RNF150: variants seen among roughly 807,000 people sequenced by gnomAD.
RNF150 encodes the protein ring finger protein 150.
In RNF150, 24 loss-of-function variants were observed where a neutral mutation model predicts 39.3. The observed-to-expected ratio is 0.61, with a 90% CI of 0.44 to 0.86. The LOEUF is 0.86. RNF150 is among the 40% of genes least tolerant of loss of function. RNF150 has a pLI of 0.00. For missense variants in RNF150, 502 were observed against 587.8 expected, an observed-to-expected ratio of 0.85 and a Z score of 1.51; for synonymous variants, 255 against 227.3, an observed-to-expected ratio of 1.12 and a Z score of -1.10.
intron 6 of RNF150, among the ~76,000 whole-genome samples, chr4:140,895,668 T>C (rs568126021): frequency 6.6e-6 from 1 of 152,316 alleles, no homozygotes; most frequent in African/African-American, 2.4e-5. Flanking sequence ...TTAGCTGCAA[T>C]GCACCCAAAG....
intron 1 of RNF150, among the ~76,000 whole-genome samples, chr4:141,109,365 A>G (rs1240064432): frequency 1.3e-5 from 2 of 152,012 alleles, no homozygotes; most frequent in Non-Finnish European, 2.9e-5. Context: ...TCTTTGTATT[A>G]GTTGGTACAA....
intron 1 of RNF150, among the ~76,000 whole-genome samples, chr4:141,009,630 C>T (rs1228087317): frequency 6.6e-6 from 1 of 152,178 alleles, no homozygotes; most frequent in Admixed American, 6.5e-5. Flanking sequence ...ATTTTCTACC[C>T]ATTGTCATCC....
chr4:141,192,682 G>T lies in RNF150; in HGVS notation c.-6+20112C>A, dbSNP rs74695799. 2.2e-3 allele frequency among the ~76,000 whole-genome samples: 333 copies of T among 152,280 alleles called. 8 individuals are homozygous for T. In the East Asian group the frequency reaches 0.058, roughly 27 times the overall value. ...AAAGGCCTATGTGCCTTCATATCCC[G>T]CACAACGCAGAAGCAAAAGTCCTAT... On this transcript the variant is annotated intron_variant, in intron 1 of 7. Transcript: ENST00000420921.
intron 1 of RNF150, among the ~76,000 whole-genome samples, chr4:141,044,021 A>G (rs972738457): frequency 6.6e-6 from 1 of 152,142 alleles, no homozygotes; most frequent in Non-Finnish European, 1.5e-5. Flanking sequence ...GGTGTATAAT[A>G]GGGTTGAAGT....
intron 1 of RNF150, among the ~76,000 whole-genome samples, chr4:141,073,664 G>GGA (rs1553944073): frequency 5.3e-5 from 2 of 38,054 alleles, no homozygotes; most frequent in Non-Finnish European, 1.7e-4. Flanking sequence ...TATCAAGCTC[G>GGA]GGGGGGGAAG....
intron 1 of RNF150, among the ~76,000 whole-genome samples, chr4:141,115,410 A>G (rs1348186913): frequency 6.6e-6 from 1 of 152,244 alleles, no homozygotes; most frequent in Non-Finnish European, 1.5e-5. Context: ...AAAGAGAATA[A>G]AATACCTAAG....
intron 1 of RNF150, among the ~76,000 whole-genome samples, chr4:141,015,924 A>G (rs964310467): frequency 1.4e-4 from 21 of 151,714 alleles, no homozygotes; most frequent in African/African-American, 4.6e-4. Flanking sequence ...GATCATTGCT[A>G]GTTACATTTT....
chr4:141,078,024 A>G (rs193124817), intron 1 of RNF150, among the ~76,000 whole-genome samples: 45 of 152,268 alleles, frequency 3.0e-4, no homozygotes, highest in Middle Eastern at 3.4e-3. Context: ...CCTGGAAAGA[A>G]AAAGAATCAT....
At chr4:140,969,696 T>TG (rs1005215255) in intron 1 of RNF150, among the ~76,000 whole-genome samples, 31 of 151,484 alleles carry the variant, frequency 2.0e-4, no homozygotes, top group African/African-American at 7.5e-4. Context: ...TTTTTTTTTT[T>TG]GGGACAGGAT....
intron 4 of RNF150, among the ~76,000 whole-genome samples, chr4:140,943,713 T>C (rs1377653297): frequency 6.6e-6 from 1 of 152,218 alleles, no homozygotes; most frequent in Non-Finnish European, 1.5e-5. Context: ...CTTTCCACTA[T>C]TCCTGGCACA....
intron 1 of RNF150, among the ~76,000 whole-genome samples, chr4:141,007,609 G>C (rs1734922747): frequency 6.6e-6 from 1 of 152,184 alleles, no homozygotes; most frequent in Admixed American, 6.5e-5. Context: ...GATAAAATTT[G>C]ATGTTGAAGT....
At position 141,117,993 on chromosome 4, in the gene RNF150, CT is replaced by C. The variant is rs1228952689; in HGVS notation, c.484+14331del. Among the ~76,000 whole-genome samples the C allele has an allele frequency of 2.0e-5, 3 of 152,324 alleles. No homozygotes were observed. In the East Asian group the frequency reaches 5.8e-4, roughly 29 times the overall value. ...TTCTCCCAAGAGAAGAGAAAATAGACTATGTGAGATGCAGAGCTCAATGGCT... is the reference window on the plus strand; with the variant it reads ...TTCTCCCAAGAGAAGAGAAAATAGACATGTGAGATGCAGAGCTCAATGGCT... On this transcript the variant is annotated intron_variant, in intron 1 of 6. Transcript: ENST00000515673.
chr4:140,910,963 C>A, intron 6 of RNF150, 181 bp downstream of exon 6: 1 of 611,694 alleles, frequency 1.6e-6, no homozygotes, highest in South Asian at 2.0e-5. Context: ...GCCAGGTGGG[C>A]TGTCTGCCCT....
At chr4:141,099,505 G>T (rs1476657724) in intron 1 of RNF150, among the ~76,000 whole-genome samples, 2 of 152,068 alleles carry the variant, frequency 1.3e-5, no homozygotes, top group African/African-American at 4.8e-5. Flanking sequence ...AGAAACTTCT[G>T]GTGACTAATG....
At chr4:140,947,362 G>A (rs775150512) in intron 4 of RNF150, among the ~76,000 whole-genome samples, 1 of 152,110 alleles carries the variant, frequency 6.6e-6, no homozygotes, top group Non-Finnish European at 1.5e-5. Flanking sequence ...AAGAAAACTT[G>A]TACTTGGCGG....
chr4:141,065,750 G>C (rs1242117335), intron 1 of RNF150, among the ~76,000 whole-genome samples: 1 of 152,002 alleles, frequency 6.6e-6, no homozygotes, highest in Non-Finnish European at 1.5e-5. Context: ...CTCAAGACCA[G>C]TGGGGTATGA....
At chr4:141,079,180 G>A (rs1738052260) in intron 1 of RNF150, among the ~76,000 whole-genome samples, 1 of 152,084 alleles carries the variant, frequency 6.6e-6, no homozygotes, top group African/African-American at 2.4e-5. Context: ...TGCATTCTTA[G>A]TGTGAGGACT....
chr4:140,988,418 T>C lies in RNF150; in HGVS notation c.485-20545A>G, dbSNP rs546977243. On this transcript the variant is annotated intron_variant, in intron 1 of 6. Coordinates refer to ENST00000515673, the MANE Select transcript of RNF150 (RefSeq NM_020724.2). Reference sequence around the variant, plus strand: ...ATCTACACTATAGCATGCTAGGCCATTGAAAAGAACGAAATCATGTCCTTT... The same window carrying C: ...ATCTACACTATAGCATGCTAGGCCACTGAAAAGAACGAAATCATGTCCTTT... Among the ~76,000 whole-genome samples the C allele has an allele frequency of 5.3e-5, 8 of 152,230 alleles. No homozygotes were observed. The South Asian group carries it at 1.4e-3, about 28-fold the overall frequency.
At chr4:141,154,159 C>T (rs147756189) in intron 1 of RNF150, among the ~76,000 whole-genome samples, 150 of 152,284 alleles carry the variant, frequency 9.9e-4, no homozygotes, top group Middle Eastern at 3.4e-3. Context: ...TTTAAGACTG[C>T]CCACAGAGTA....
Sources: gnomAD v4.1 joint callset for allele counts (sites outside exome capture counted in the v4.1 genomes callset) on GRCh38, gnomAD v4.1.1 for gene constraint, MANE v1.5 for transcripts, NCBI Gene and HGNC (gene_info 2026-07-23, HGNC 2026-07-21) for gene names.